LPAR1: variants seen among roughly 807,000 people sequenced by gnomAD.
LPAR1 encodes lysophosphatidic acid receptor 1, also known as LPA receptor 1.
In LPAR1, 5 loss-of-function variants were observed where a neutral mutation model predicts 23.8. The ratio of observed to expected loss-of-function variants is 0.21; its 90% CI spans 0.11 to 0.44. The LOEUF is 0.44. Among genes scored for constraint, LPAR1 ranks in the 20% least tolerant of loss-of-function variants. The pLI, the probability that LPAR1 is intolerant of heterozygous loss-of-function variation, is 0.99. For missense variants in LPAR1, 311 were observed against 482.8 expected, an observed-to-expected ratio of 0.64 and a Z score of 3.33; for synonymous variants, 160 against 164.7, an observed-to-expected ratio of 0.97 and a Z score of 0.22.
intron 5 of LPAR1, among the ~76,000 whole-genome samples, chr9:110,928,013 A>G (rs1052499329): frequency 1.3e-5 from 2 of 152,162 alleles, no homozygotes; most frequent in African/African-American, 4.8e-5. Flanking sequence ...AGATAGTACA[A>G]AAATGTCCTC....
intron 2 of LPAR1, among the ~76,000 whole-genome samples, chr9:111,013,775 T>C (rs2097381174): frequency 6.6e-6 from 1 of 152,174 alleles, no homozygotes; most frequent in South Asian, 2.1e-4. Flanking sequence ...GGTTATCTAG[T>C]AAATTTCCCC....
chr9:111,019,913 G>GA (rs1164505986), intron 2 of LPAR1, among the ~76,000 whole-genome samples: 1 of 152,204 alleles, frequency 6.6e-6, no homozygotes, highest in Non-Finnish European at 1.5e-5. Context: ...CTAGAGGCTA[G>GA]AAATGTAATA....
intron 5 of LPAR1, among the ~76,000 whole-genome samples, chr9:110,921,251 G>C (rs968013230): frequency 1.3e-5 from 2 of 152,188 alleles, no homozygotes; most frequent in Non-Finnish European, 2.9e-5. Flanking sequence ...TCCAGTATAG[G>C]TGACAGAGCA....
chr9:111,008,048 C>G (rs1286867145), intron 2 of LPAR1, among the ~76,000 whole-genome samples: 1 of 151,912 alleles, frequency 6.6e-6, no homozygotes, highest in African/African-American at 2.4e-5. Context: ...GTCGTGGGCA[C>G]CTGTAATCCC....
intron 2 of LPAR1, among the ~76,000 whole-genome samples, chr9:111,004,625 T>G (rs2097182320): frequency 6.6e-6 from 1 of 152,184 alleles, no homozygotes; most frequent in Non-Finnish European, 1.5e-5. Context: ...CTCCCTTGAT[T>G]CTTATCCAAC....
intron 2 of LPAR1, among the ~76,000 whole-genome samples, chr9:111,019,472 GAGTT>G (rs1194358388): frequency 6.6e-6 from 1 of 152,172 alleles, no homozygotes; most frequent in Non-Finnish European, 1.5e-5. Context: ...AAAAGGAAGA[GAGTT>G]AGGCAGGTAA....
At chr9:110,940,146 T>TAG (rs1226631820) in intron 5 of LPAR1, among the ~76,000 whole-genome samples, 3 of 152,196 alleles carry the variant, frequency 2.0e-5, no homozygotes, top group Non-Finnish European at 4.4e-5. Context: ...TAGGCAGGGT[T>TAG]TTAGGTGTGT....
At chr9:110,949,072 G>A (rs2095487868) in intron 4 of LPAR1, among the ~76,000 whole-genome samples, 1 of 152,176 alleles carries the variant, frequency 6.6e-6, no homozygotes, top group African/African-American at 2.4e-5. Context: ...TAGACTACCT[G>A]TCAAGTCTGA....
chr9:110,925,749 C>T (rs888604217), intron 5 of LPAR1, among the ~76,000 whole-genome samples: 4 of 152,144 alleles, frequency 2.6e-5, no homozygotes, highest in African/African-American at 9.7e-5. Context: ...TTACATTCAC[C>T]GCAGCATGTG....
At chr9:110,982,940 A>C (rs1203273125) in intron 2 of LPAR1, among the ~76,000 whole-genome samples, 1 of 148,134 alleles carries the variant, frequency 6.8e-6, no homozygotes, top group Non-Finnish European at 1.5e-5. Context: ...ATCATCAGTA[A>C]AATGCAAATG....
At chr9:110,957,350 A>ATAATAATAAT (rs55733243) in intron 4 of LPAR1, among the ~76,000 whole-genome samples, 8 of 147,856 alleles carry the variant, frequency 5.4e-5, no homozygotes, top group Non-Finnish European at 1.2e-4. Flanking sequence ...AAAAAAAAAA[A>ATAATAATAAT]AATAATAATA....
intron 2 of LPAR1, among the ~76,000 whole-genome samples, chr9:111,006,698 A>T (rs1007438460): frequency 6.6e-6 from 1 of 152,230 alleles, no homozygotes; most frequent in East Asian, 1.9e-4. Context: ...ACAAATGTTT[A>T]TGCATTAGAA....
chr9:110,977,893 AAGGAAGGAAG>A lies in LPAR1; in HGVS notation c.-181-4345_-181-4336del, dbSNP rs1393333481. Reference sequence around the variant, plus strand: ...GAAGGAAGGAAGGAAGGAAGGAAGGAAGGAAGGAAGGAAGGAAAGAAGGAAAGAAGGAAAG... The same window carrying A: ...GAAGGAAGGAAGGAAGGAAGGAAGGAGAAGGAAAGAAGGAAAGAAGGAAAG... On this transcript the variant is annotated intron_variant, in intron 2 of 5. Transcript: ENST00000683809. 3.0e-3 allele frequency among the ~76,000 whole-genome samples: 451 copies of A among 150,868 alleles called. 9 individuals carry two copies. Among genetic ancestry groups the A allele is most frequent in the Non-Finnish European group, 4.9e-3 (329 of 67,598 alleles).
At chr9:110,915,235 T>A (rs1488459118) in intron 5 of LPAR1, among the ~76,000 whole-genome samples, 1 of 152,196 alleles carries the variant, frequency 6.6e-6, no homozygotes, top group Non-Finnish European at 1.5e-5. Context: ...TGTAGAATAT[T>A]TGAAAATGAA....
At chr9:110,974,836 A>C (rs547352635) in intron 2 of LPAR1, among the ~76,000 whole-genome samples, 1 of 152,310 alleles carries the variant, frequency 6.6e-6, no homozygotes, top group East Asian at 1.9e-4. Flanking sequence ...CTAGAGTGCC[A>C]AACCTACCCA....
chr9:110,922,421 A>G (rs2093693359), intron 5 of LPAR1, among the ~76,000 whole-genome samples: 1 of 152,174 alleles, frequency 6.6e-6, no homozygotes, highest in African/African-American at 2.4e-5. Context: ...TGGAACAGAA[A>G]ATGAAGATGG....
At chr9:110,971,453 G>A (rs973507257) in intron 4 of LPAR1, among the ~76,000 whole-genome samples, 3 of 152,144 alleles carry the variant, frequency 2.0e-5, no homozygotes, top group Non-Finnish European at 4.4e-5. Flanking sequence ...GCTGCCTGGT[G>A]AATCTGAAAG....
At chr9:111,031,749 A>C (rs2097798865) in intron 2 of LPAR1, among the ~76,000 whole-genome samples, 1 of 152,192 alleles carries the variant, frequency 6.6e-6, no homozygotes, top group African/African-American at 2.4e-5. Context: ...TACAGATAAA[A>C]CACAGCTATG....
intron 4 of LPAR1, among the ~76,000 whole-genome samples, chr9:110,942,926 AT>A (rs1352622608): frequency 1.3e-5 from 2 of 152,018 alleles, no homozygotes; most frequent in African/African-American, 4.8e-5. Context: ...GATGCAGCAT[AT>A]TTTTTAAAGT....
Sources: allele counts gnomAD v4.1 joint callset (sites outside exome capture counted in the v4.1 genomes callset), GRCh38; gene constraint gnomAD v4.1.1; transcripts MANE v1.5; gene names NCBI Gene and HGNC (gene_info 2026-07-23, HGNC 2026-07-21).